TNFRSF14: variants seen among roughly 807,000 people sequenced by gnomAD.
TNFRSF14 encodes tumor necrosis factor receptor superfamily member 14.
In TNFRSF14, 18 loss-of-function variants were observed where a neutral mutation model predicts 34.1. The observed-to-expected ratio is 0.53, with a 90% confidence interval of 0.36 to 0.78. The LOEUF is 0.78. Among genes scored for constraint, TNFRSF14 ranks in the 30% least tolerant of loss-of-function variants. The pLI is 0.00. For missense variants in TNFRSF14, 352 were observed against 379.5 expected (o/e 0.93, Z 0.60); for synonymous variants, 157 against 153.2 (o/e 1.02, Z -0.18).
intron 3 of TNFRSF14, 122 bp from the exon 4 acceptor site, chr1:2,559,701 G>A: frequency 2.0e-6 from 3 of 1,536,314 alleles, no homozygotes; most frequent in Non-Finnish European, 8.7e-7. Flanking sequence ...GTTTGGCTGA[G>A]CCAGGGGTTC....
intron 1 of TNFRSF14, 156 bp downstream of exon 1, chr1:2,556,889 C>A (rs1009964346): frequency 2.9e-5 from 21 of 717,602 alleles, no homozygotes; most frequent in Non-Finnish European, 4.3e-5. Context: ...CAACCCAGAC[C>A]CCCAGCACTG....
At position 2,563,317 on chromosome 1, in the gene TNFRSF14, G is replaced by A. The variant is rs780880128; in HGVS notation, c.*44G>A. 4.9e-5 allele frequency: 79 copies of A among 1,604,178 alleles called. No individual in the cohort carries two copies. The highest frequency in any genetic ancestry group is 6.4e-5 in the Non-Finnish European group (75 of 1,173,308). Reference sequence around the variant, plus strand: ...CGACGCCAGAGATACCTGGAGCGACGGCTGCTGAAAGAGGCTGTCCACCTG... The same window carrying A: ...CGACGCCAGAGATACCTGGAGCGACAGCTGCTGAAAGAGGCTGTCCACCTG... On this transcript the variant is annotated 3_prime_UTR_variant, in exon 8 of 8. Coordinates refer to ENST00000355716, the MANE Select transcript of TNFRSF14 (RefSeq NM_003820.4).
At chr1:2,562,437 CCGGGGCCTCCAATGCGGGGAGGTCT>C (rs1401726013) in intron 6 of TNFRSF14, 1 of 272,156 alleles carries the variant, frequency 3.7e-6, no homozygotes, top group South Asian at 4.5e-5. Context: ...TGATCCTCAC[CCGGGGCCTCCAATGCGGGGAGGTCT>C]CGGGGCCTCA....
At chr1:2,562,826 A>G in intron 6 of TNFRSF14, 39 bp from the exon 7 acceptor site, 1 of 1,613,780 alleles carries the variant, frequency 6.2e-7, no homozygotes, top group Non-Finnish European at 8.5e-7. Flanking sequence ...CCCTGATCAG[A>G]CACTGCCCCT....
At chr1:2,554,495 C>T (rs983406564), upstream of TNFRSF14, among the ~76,000 whole-genome samples, 3 of 152,110 alleles carry the variant, frequency 2.0e-5, no homozygotes, top group South Asian at 2.1e-4. This position sits in a 1 kb window ranked among gnomAD's most constrained non-coding sequence, Gnocchi z 4.2. Context: ...GAGCAGGGAG[C>T]GGGGACAGGG....
Position 2,561,737 on chromosome 1 carries a change from C to A in TNFRSF14, c.616C>A (p.Leu206Ile). Residue 206 changes from leucine (L) to isoleucine (I), a missense_variant, in exon 6 of 8, where the codon CTC (leucine) becomes ATC (isoleucine). By Grantham distance (5) the Leu-to-Ile change is conservative. Transcript: ENST00000355716. The surrounding 1 kb of genome is among the most constrained non-coding windows in gnomAD (Gnocchi z 6.0). ...CAGCTCCCACTGGGTATGGTGGTTT[C>A]TCTCAGGGAGCCTCGTCATCGTCAT... is the stretch of plus-strand genomic sequence containing the variant. ...TSSSHWVWWF[L>I]SGSLVIVIVC... 6.2e-7 allele frequency: 1 copy of A among 1,613,670 alleles called. No individual in the cohort carries two copies. The highest frequency in any genetic ancestry group is 8.5e-7 in the Non-Finnish European group (1 of 1,179,996).
At chr1:2,559,754 G>T (rs779864871) in intron 3 of TNFRSF14, 69 bp from the exon 4 acceptor site, 1 of 1,547,678 alleles carries the variant, frequency 6.5e-7, no homozygotes, top group Non-Finnish European at 8.7e-7. Flanking sequence ...GCCTGTGGAT[G>T]CTGTCCTGGC....
chr1:2,562,920 C>T (rs1304265673), intron 7 of TNFRSF14, 24 bp downstream of exon 7: 1 of 1,603,856 alleles, frequency 6.2e-7, no homozygotes, highest in Admixed American at 1.7e-5. Flanking sequence ...TCCCCCTCTC[C>T]CTCCCCCCTC....
chr1:2,558,665 A>G (rs1370054482), intron 3 of TNFRSF14, 197 bp downstream of exon 3: 6 of 1,187,206 alleles, frequency 5.1e-6, no homozygotes, highest in Non-Finnish European at 6.9e-6. Context: ...CCTCTGTCTC[A>G]CCTCTCACTT....
At position 2,563,489 on chromosome 1, in the gene TNFRSF14, CT is replaced by C; in HGVS notation, c.*217del. 1 of 685,424 alleles carries C rather than the reference CT, an allele frequency of 1.5e-6. No homozygotes were observed. Among genetic ancestry groups the C allele is most frequent in the South Asian group, 2.1e-5 (1 of 47,572 alleles). 42.5% of individuals were successfully genotyped at this position (685,424 alleles called of 1,614,324 possible). On this transcript the variant is annotated 3_prime_UTR_variant, in exon 8 of 8. Coordinates refer to ENST00000355716, the MANE Select transcript of TNFRSF14 (RefSeq NM_003820.4). Reference sequence around the variant, plus strand: ...ATGGGCCAGTGAGGGCCTGGGGCCTCTGTTCTGCTGTGGCCTGAGCTCCCCA... The same window carrying C: ...ATGGGCCAGTGAGGGCCTGGGGCCTCGTTCTGCTGTGGCCTGAGCTCCCCA...
chr1:2,556,746 G>A lies in TNFRSF14; in HGVS notation c.69+13G>A. ...CGTCTTGAGGCTGGTGAGCCCCCGA[G>A]CCTCCTCTCCGTCTGCTCGCAGATC... On this transcript the variant is annotated intron_variant, in intron 1 of 7. Transcript: ENST00000355716. 6.3e-7 allele frequency: 1 copy of A among 1,582,922 alleles called. No homozygotes were observed.
chr1:2,559,010 A>G lies in TNFRSF14; in HGVS notation c.304+542A>G, dbSNP rs759570542. On this transcript the variant is annotated intron_variant, in intron 3 of 7. Transcript: ENST00000355716. ...GAGTCACTGAGCGCAGAGCCTGTCCATGCGGCCAACGGCTCTGTCCCCTTG... is the reference window on the plus strand; with the variant it reads ...GAGTCACTGAGCGCAGAGCCTGTCCGTGCGGCCAACGGCTCTGTCCCCTTG... The G allele has an allele frequency of 3.3e-5, 45 of 1,367,744 alleles. No individual in the cohort carries two copies. The African/African-American group carries it at 5.0e-4, about 15-fold the overall frequency. The allele number at this position is 1,367,744 out of a possible 1,614,324, so 84.7% of individuals were successfully genotyped here.
chr1:2,558,386 G>A lies in TNFRSF14; in HGVS notation c.222G>A (p.Val74=). ...CCTGCGGGGAGCTGACGGGCACAGT[G>A]TGTGAACCCTGCCCTCCAGGCACCT... ...KEACGELTGT[V]CEPCPPGTYI... The change falls in exon 3 of 8, where the codon GTG becomes GTA. Residue 74 remains valine (V), a synonymous_variant. Transcript: ENST00000355716. The A allele has an allele frequency of 6.2e-7, 1 of 1,613,336 alleles. No homozygotes were observed. Among genetic ancestry groups the A allele is most frequent in the Non-Finnish European group, 8.5e-7 (1 of 1,179,762 alleles).
rs1297091529 is a variant in TNFRSF14, at chr1:2,558,422, C to T, written c.258C>T (p.His86=). ...GCCCTCCAGGCACCTACATTGCCCA[C>T]CTCAATGGCCTAAGCAAGTGTCTGC... The part of the protein sequence containing the change: ...EPCPPGTYIA[H]LNGLSKCLQC... The change falls in exon 3 of 8, where the codon CAC becomes CAT. Residue 86 remains histidine, a synonymous_variant. Transcript: ENST00000355716. The T allele has an allele frequency of 1.2e-6, 2 of 1,613,434 alleles. No homozygotes were observed. Among genetic ancestry groups the T allele is most frequent in the Non-Finnish European group, 8.5e-7 (1 of 1,179,842 alleles).
chr1:2,559,130 C>T, intron 3 of TNFRSF14: 1 of 1,362,572 alleles, frequency 7.3e-7, no homozygotes, highest in South Asian at 1.2e-5. Flanking sequence ...GGGGGCAGGG[C>T]CTGAGCCTAC....
At chr1:2,560,536 T>C (rs2100855512) in intron 4 of TNFRSF14, 88 bp from the exon 5 acceptor site, 1 of 978,686 alleles carries the variant, frequency 1.0e-6, no homozygotes, top group Non-Finnish European at 1.6e-6. Flanking sequence ...CACCCAGGTC[T>C]AGAAGCTCAC....
rs1644252629 is a variant in TNFRSF14, at chr1:2,558,472, A to G, written c.304+4A>G. 1 of 1,612,850 alleles carries G rather than the reference A, an allele frequency of 6.2e-7. No individual in the cohort carries two copies. Among genetic ancestry groups the G allele is most frequent in the African/African-American group, 1.3e-5 (1 of 74,910 alleles). On this transcript the variant is annotated splice_donor_region_variant and intron_variant, in intron 3 of 7. Coordinates refer to ENST00000355716, the MANE Select transcript of TNFRSF14 (RefSeq NM_003820.4). ...CAGTGCCAAATGTGTGACCCAGGTA[A>G]GAGGCCAGCACAGCCGGCCCAGCCT...
chr1:2,560,574 C>A, intron 4 of TNFRSF14, 50 bp from the exon 5 acceptor site: 1 of 1,452,120 alleles, frequency 6.9e-7, no homozygotes, highest in Non-Finnish European at 9.5e-7. Flanking sequence ...CCGCCAGCCC[C>A]CTCCTGGCCT....
Position 2,561,876 on chromosome 1 carries a change from T to G in TNFRSF14, c.694+61T>G. 1 of 1,552,254 alleles carries G rather than the reference T, an allele frequency of 6.4e-7. No homozygotes were observed. On this transcript the variant is annotated intron_variant, in intron 6 of 7. Coordinates refer to ENST00000355716, the MANE Select transcript of TNFRSF14 (RefSeq NM_003820.4). This position sits in a 1 kb window ranked among gnomAD's most constrained non-coding sequence, Gnocchi z 6.0. ...CCAGCCGTCACCTCTTGGAGCTCTG[T>G]CACCCCAAGCCTGGGAGGTGGCCCC...
Sources: allele counts gnomAD v4.1 joint callset (sites outside exome capture counted in the v4.1 genomes callset), GRCh38; gene constraint gnomAD v4.1.1; non-coding constraint Gnocchi (gnomAD v3.1); transcripts MANE v1.5; gene names NCBI Gene and HGNC (gene_info 2026-07-23, HGNC 2026-07-21).